The following ACOX1 variants were observed in gnomAD, a reference collection of about 807,000 sequenced individuals.
ACOX1 encodes acyl-CoA oxidase 1.
A neutral mutation model predicts 75.5 loss-of-function variants in ACOX1; 41 were observed. The ratio of observed to expected loss-of-function variants is 0.54; its 90% CI spans 0.42 to 0.70. The LOEUF (loss-of-function observed/expected upper bound fraction) is 0.70. Ranked by LOEUF, ACOX1 falls within the 30% of genes least tolerant of loss-of-function variation. ACOX1 has a pLI of 0.00. For missense variants in ACOX1, 630 were observed against 837.5 expected (o/e 0.75, Z 3.06); for synonymous variants, 303 against 298.8 (o/e 1.01, Z -0.15).
At chr17:75,970,460 C>A (rs1351098076) in intron 2 of ACOX1, among the ~76,000 whole-genome samples, 1 of 152,164 alleles carries the variant, frequency 6.6e-6, no homozygotes, top group African/African-American at 2.4e-5. Flanking sequence ...GGCTCCCAGA[C>A]CCACAGGGCA....
chr17:75,949,639 A>C, intron 10 of ACOX1, 39 bp from the exon 11 acceptor site: 2 of 1,613,062 alleles, frequency 1.2e-6, no homozygotes, highest in Non-Finnish European at 8.5e-7. Context: ...GAAATGATCA[A>C]CAGTACTCAT....
At chr17:75,961,165 C>T (rs1226328332) in intron 2 of ACOX1, among the ~76,000 whole-genome samples, 2 of 149,786 alleles carry the variant, frequency 1.3e-5, no homozygotes, top group Admixed American at 1.3e-4. Flanking sequence ...TGGTGGTGCA[C>T]ACCTGTAATC....
chr17:75,949,770 C>T lies in ACOX1; in HGVS notation c.1426G>A (p.Asp476Asn), dbSNP rs749132726. The T allele has an allele frequency of 6.2e-7, 1 of 1,614,128 alleles. No individual in the cohort carries two copies. The highest frequency in any genetic ancestry group is 1.1e-5 in the South Asian group (1 of 91,082). Residue 476 changes from aspartate (D) to asparagine (N), a missense_variant, in exon 10 of 14, where the codon GAT becomes AAT. Asp to Asn is a conservative substitution (Grantham distance 23, BLOSUM62 1). Transcript: ENST00000293217. ...GTTAGGCTTTCGGGGCTGTTGATATCCACCATGGTTGGCCAGACTGCTACC... is the reference window on the plus strand; with the variant it reads ...GTTAGGCTTTCGGGGCTGTTGATATTCACCATGGTTGGCCAGACTGCTACC... The part of the protein sequence containing the change: ...QQVAVWPTMV[D>N]INSPESLTEA...
At chr17:75,965,337 C>CAAAAAAAAAAAAAAA (rs11293371) in intron 2 of ACOX1, among the ~76,000 whole-genome samples, 1 of 81,702 alleles carries the variant, frequency 1.2e-5, no homozygotes, top group Non-Finnish European at 2.6e-5. Context: ...GACTCTGTCT[C>CAAAAAAAAAAAAAAA]AAAAAAAAAA....
chr17:75,973,645 G>A (rs2066017332), intron 2 of ACOX1: 5 of 1,614,198 alleles, frequency 3.1e-6, no homozygotes, highest in Non-Finnish European at 4.2e-6. Flanking sequence ...TTCCGTCTGG[G>A]CGTAGGTGCC....
At chr17:75,968,269 T>C (rs998535075) in intron 2 of ACOX1, among the ~76,000 whole-genome samples, 11 of 147,496 alleles carry the variant, frequency 7.5e-5, no homozygotes, top group African/African-American at 2.8e-4. Context: ...ACCCCGTCTC[T>C]ACTAAAAATA....
intron 6 of ACOX1, 141 bp from the exon 7 acceptor site, chr17:75,953,761 C>G (rs1302276687): frequency 2.0e-6 from 2 of 991,794 alleles, no homozygotes; most frequent in African/African-American, 3.2e-5. Flanking sequence ...AGTCCCCACC[C>G]TGACCAACTG....
intron 2 of ACOX1, among the ~76,000 whole-genome samples, chr17:75,970,393 C>T (rs756225145): frequency 7.9e-5 from 12 of 152,074 alleles, no homozygotes; most frequent in Non-Finnish European, 1.5e-4. Flanking sequence ...TCCTTTGATC[C>T]CAGAACTCCA....
intron 6 of ACOX1, 86 bp from the exon 7 acceptor site, chr17:75,953,706 G>C: frequency 6.7e-7 from 1 of 1,481,836 alleles, no homozygotes. Context: ...CCCTGGAATA[G>C]CAGCATCAGC....
chr17:75,979,020 C>T lies in ACOX1; in HGVS notation c.54G>A (p.Leu18=). 2 of 1,612,404 alleles carry T rather than the reference C, an allele frequency of 1.2e-6. No individual in the cohort carries two copies. The highest frequency in any genetic ancestry group is 2.2e-5 in the East Asian group (1 of 44,878). Reference sequence around the variant, plus strand: ...GGCTGCCGTCCAGGATGTGTGTAAGCAGCTCCGGGTTGAAGCTGGCGGAAT... The same window carrying T: ...GGCTGCCGTCCAGGATGTGTGTAAGTAGCTCCGGGTTGAAGCTGGCGGAAT... ...ERDSASFNPE[L]LTHILDGSPE... The change falls in exon 1 of 14, where the codon CTG becomes CTA. Residue 18 remains leucine (L), a synonymous_variant. Transcript: ENST00000293217.
chr17:75,969,629 G>C (rs538618804), intron 2 of ACOX1, among the ~76,000 whole-genome samples: 1 of 152,282 alleles, frequency 6.6e-6, no homozygotes, highest in South Asian at 2.1e-4. Flanking sequence ...GCAACGGAGT[G>C]CGGTAAAGAC....
chr17:75,951,511 A>C lies in ACOX1; in HGVS notation c.1011T>G (p.Thr337=). The part of the protein sequence containing the change: ...QQYKLFPLLA[T]AYAFQFVGAY... ...CGCCCACAAACTGGAAGGCATAGGC[A>C]GTGGCCAGGAGTGGAAAGAGTTTAT... The change falls in exon 8 of 14, where the codon ACT becomes ACG. Residue 337 remains threonine, a synonymous_variant. Transcript: ENST00000293217. The C allele has an allele frequency of 6.2e-7, 1 of 1,614,198 alleles. No individual in the cohort carries two copies. The highest frequency in any genetic ancestry group is 1.3e-5 in the African/African-American group (1 of 75,052).
intron 2 of ACOX1, among the ~76,000 whole-genome samples, chr17:75,961,862 G>A (rs1308285144): frequency 1.3e-5 from 2 of 151,936 alleles, no homozygotes; most frequent in African/African-American, 2.4e-5. Flanking sequence ...AGGCAGAATC[G>A]CTTGAAGCCA....
Position 75,958,510 on chromosome 17 carries a change from A to T in ACOX1, c.431-944T>A, listed in dbSNP as rs747407230. Among the ~76,000 whole-genome samples, 25 of 146,940 alleles carry T rather than the reference A, an allele frequency of 1.7e-4. 1 individual carries two copies. Among genetic ancestry groups the T allele is most frequent in the Non-Finnish European group, 3.2e-4 (21 of 65,250 alleles). On this transcript the variant is annotated intron_variant, in intron 3 of 13. Transcript: ENST00000293217. ...GGTGAAACCCCGTCTCTACTAAAAA[A>T]ACAACAAAAAAATTAAAGCTGGGCA...
At chr17:75,951,065 AAACAC>A in intron 8 of ACOX1, 101 bp from the exon 9 acceptor site, 1 of 1,243,628 alleles carries the variant, frequency 8.0e-7, no homozygotes, top group Non-Finnish European at 1.1e-6. Flanking sequence ...GCCACTGTCA[AAACAC>A]AGCTGCCACA....
intron 2 of ACOX1, among the ~76,000 whole-genome samples, chr17:75,967,081 CAA>C (rs779169341): frequency 2.3e-5 from 3 of 131,528 alleles, no homozygotes; most frequent in Admixed American, 7.7e-5. Context: ...AAAAGAAGTA[CAA>C]AAAAAAAAAA....
chr17:75,955,820 G>A lies in ACOX1; in HGVS notation c.658+8C>T. On this transcript the variant is annotated splice_region_variant and intron_variant, in intron 5 of 13. Coordinates refer to ENST00000293217, the MANE Select transcript of ACOX1 (RefSeq NM_004035.7). ...TTTTCATCTCAACATCAGATGAACA[G>A]TTCTTACCTGGCAAAGGCTTATGGG... 6.2e-7 allele frequency: 1 copy of A among 1,614,152 alleles called. No individual in the cohort carries two copies. The highest frequency in any genetic ancestry group is 8.5e-7 in the Non-Finnish European group (1 of 1,180,038).
At chr17:75,954,015 G>A (rs748173972) in intron 6 of ACOX1, among the ~76,000 whole-genome samples, 1 of 152,016 alleles carries the variant, frequency 6.6e-6, no homozygotes, top group African/African-American at 2.4e-5. Flanking sequence ...TCAGGAATTC[G>A]AGACCAGCCT....
intron 2 of ACOX1, among the ~76,000 whole-genome samples, chr17:75,970,184 C>CAGAAAAAAAAA (rs2065980017): frequency 1.4e-5 from 1 of 69,094 alleles, no homozygotes; most frequent in African/African-American, 6.0e-5. Flanking sequence ...GAGACTCCTT[C>CAGAAAAAAAAA]AAAAAAAAAA....
Sources: gnomAD v4.1 joint callset for allele counts (sites outside exome capture counted in the v4.1 genomes callset) on GRCh38, gnomAD v4.1.1 for gene constraint, MANE v1.5 for transcripts, NCBI Gene and HGNC (gene_info 2026-07-23, HGNC 2026-07-21) for gene names.